CHRDL1: variants seen among roughly 807,000 people sequenced by gnomAD.
The protein encoded by CHRDL1 is chordin like 1, also known as chordin-like protein 1.
Under a neutral mutation model 40.9 loss-of-function variants are expected in CHRDL1, and 19 were observed. That is an observed-to-expected ratio of 0.46 (90% confidence interval 0.32 to 0.68). The LOEUF is 0.68. CHRDL1 is among the 30% of genes least tolerant of loss of function. The pLI is 0.03. For synonymous variants in CHRDL1, 136 were observed against 123.4 expected (o/e 1.10, Z -0.68); for missense variants, 329 against 352.1 (o/e 0.93, Z 0.53).
chrX:110,795,140 C>T (rs991431415), intron 1 of CHRDL1, among the ~76,000 whole-genome samples: 1 of 112,146 alleles, frequency 8.9e-6, no homozygotes, highest in East Asian at 2.8e-4. Flanking sequence ...AAAATGGGCA[C>T]TGGGGGGACC....
rs748807930 is a variant in CHRDL1, at chrX:110,730,548, G to C, written c.302-9018C>G. On this transcript the variant is annotated intron_variant, in intron 4 of 11. Coordinates refer to ENST00000372042, the MANE Select transcript of CHRDL1 (RefSeq NM_001143981.2). ...AGGGCATGGAATAGAGAGAAAAAGT[G>C]AACTCCTTGGCCAACACTCCCATTG... Among the ~76,000 whole-genome samples, 3 of 111,292 alleles carry C rather than the reference G, an allele frequency of 2.7e-5. No homozygotes were observed. The East Asian group carries it at 8.5e-4, about 32-fold the overall frequency.
chrX:110,718,820 G>C (rs2070891153), intron 6 of CHRDL1, among the ~76,000 whole-genome samples: 1 of 111,536 alleles, frequency 9.0e-6, no homozygotes, highest in Admixed American at 9.6e-5. Flanking sequence ...GTCTTTTCTG[G>C]TGAGTTCCAT....
At chrX:110,694,380 A>C in intron 7 of CHRDL1, 49 bp from the exon 8 acceptor site, 1 of 1,008,153 alleles carries the variant, frequency 9.9e-7, no homozygotes, top group Non-Finnish European at 1.4e-6. Flanking sequence ...CAATGAGATC[A>C]CAGAGATTAA....
chrX:110,780,732 C>T (rs2089927236), intron 2 of CHRDL1, among the ~76,000 whole-genome samples: 1 of 111,607 alleles, frequency 9.0e-6, no homozygotes, highest in African/African-American at 3.2e-5. Context: ...AGTGAGAATG[C>T]CCAGCAATGG....
At chrX:110,764,990 C>T (rs1358882494) in intron 2 of CHRDL1, among the ~76,000 whole-genome samples, 1 of 111,720 alleles carries the variant, frequency 9.0e-6, no homozygotes, top group African/African-American at 3.3e-5. Context: ...ACAATAAGTG[C>T]ACCGCTGAAC....
intron 6 of CHRDL1, among the ~76,000 whole-genome samples, chrX:110,702,770 C>A (rs2070541903): frequency 9.0e-6 from 1 of 111,709 alleles, no homozygotes; most frequent in Non-Finnish European, 1.9e-5. Context: ...GCAGTTATTA[C>A]TATCTTATAT....
At chrX:110,703,252 C>T (rs1198952505) in intron 6 of CHRDL1, among the ~76,000 whole-genome samples, 3 of 111,824 alleles carry the variant, frequency 2.7e-5, no homozygotes, top group South Asian at 7.5e-4. Context: ...TGTGAATAAC[C>T]AGGCTGGAGC....
At chrX:110,752,754 C>A (rs762903216) in intron 4 of CHRDL1, among the ~76,000 whole-genome samples, 1 of 110,944 alleles carries the variant, frequency 9.0e-6, no homozygotes, top group African/African-American at 3.3e-5. Flanking sequence ...TTGTAGTCAC[C>A]TTACTAGGGA....
At chrX:110,697,852 A>G (rs865937236) in intron 7 of CHRDL1, among the ~76,000 whole-genome samples, 2,196 of 98,165 alleles carry the variant, frequency 0.022, 106 homozygotes, top group African/African-American at 0.093. Context: ...ACACACACAC[A>G]CACACACACA....
At position 110,703,933 on chromosome X, in the gene CHRDL1, G is replaced by T. The variant is rs142512735; in HGVS notation, c.542-3212C>A. On this transcript the variant is annotated intron_variant, in intron 6 of 11. Coordinates refer to ENST00000372042, the MANE Select transcript of CHRDL1 (RefSeq NM_001143981.2). ...AGAAACTTCAGATATGAAAACAAGA[G>T]AAATTACGCTGGTAATTGAACTTGT... Among the ~76,000 whole-genome samples the T allele has an allele frequency of 2.7e-5, 3 of 111,171 alleles. No homozygotes were observed. The East Asian group carries it at 8.5e-4, about 31-fold the overall frequency.
At chrX:110,757,160 T>C (rs2089469154) in intron 4 of CHRDL1, among the ~76,000 whole-genome samples, 1 of 109,254 alleles carries the variant, frequency 9.2e-6, no homozygotes, top group African/African-American at 3.3e-5. Flanking sequence ...AAGGATAAAT[T>C]AAATGAGATG....
intron 6 of CHRDL1, 96 bp downstream of exon 6, chrX:110,719,739 C>A: frequency 2.5e-6 from 1 of 395,324 alleles, no homozygotes; most frequent in Non-Finnish European, 4.3e-6. Context: ...ATAAAAATTA[C>A]CTTTCCCTAG....
chrX:110,679,294 G>C, intron 11 of CHRDL1, 42 bp downstream of exon 11: 1 of 939,727 alleles, frequency 1.1e-6, no homozygotes, highest in Non-Finnish European at 1.5e-6. Flanking sequence ...ATTGAAAACT[G>C]AATGTGTTTT....
At chrX:110,723,101 A>G (rs950792046) in intron 4 of CHRDL1, among the ~76,000 whole-genome samples, 1 of 110,911 alleles carries the variant, frequency 9.0e-6, no homozygotes, top group Non-Finnish European at 1.9e-5. Context: ...AATACAAAAA[A>G]TTAGCCAGGC....
intron 4 of CHRDL1, among the ~76,000 whole-genome samples, chrX:110,742,163 C>T (rs1323159236): frequency 8.9e-6 from 1 of 111,919 alleles, no homozygotes; most frequent in Admixed American, 9.5e-5. Flanking sequence ...AAGATATGGC[C>T]CTAGACTCCT....
chrX:110,738,030 A>T (rs757867230), intron 4 of CHRDL1, among the ~76,000 whole-genome samples: 1 of 112,159 alleles, frequency 8.9e-6, no homozygotes, highest in Non-Finnish European at 1.9e-5. Flanking sequence ...ACAAAGAATT[A>T]TCTGGCCCCA....
intron 4 of CHRDL1, 28 bp from the exon 5 acceptor site, chrX:110,721,558 T>C (rs201078326): frequency 1.8e-5 from 21 of 1,161,833 alleles, no homozygotes; most frequent in Non-Finnish European, 2.3e-5. Flanking sequence ...AAAACCACAC[T>C]GAGTATTGGC....
At chrX:110,766,771 A>T (rs1033104401) in intron 2 of CHRDL1, among the ~76,000 whole-genome samples, 11 of 111,711 alleles carry the variant, frequency 9.8e-5, no homozygotes, top group African/African-American at 3.6e-4. Context: ...TCAAAGAAGA[A>T]TTGGTACCAA....
At chrX:110,683,400 T>C (rs2069942769) in intron 9 of CHRDL1, among the ~76,000 whole-genome samples, 1 of 112,262 alleles carries the variant, frequency 8.9e-6, no homozygotes, top group South Asian at 3.7e-4. Flanking sequence ...CTTGATGTCA[T>C]TTCTGGCCAT....
Sources: gnomAD v4.1 joint callset for allele counts (sites outside exome capture counted in the v4.1 genomes callset) on GRCh38, gnomAD v4.1.1 for gene constraint, MANE v1.5 for transcripts, NCBI Gene and HGNC (gene_info 2026-07-23, HGNC 2026-07-21) for gene names.